Variants in LEF1 observed in about 807,000 individuals in gnomAD.
LEF1 encodes the protein lymphoid enhancer-binding factor 1.
A neutral mutation model predicts 51.2 loss-of-function variants in LEF1; 14 were observed. That is an observed-to-expected ratio of 0.27 (90% CI 0.18 to 0.43). The LOEUF (loss-of-function observed/expected upper bound fraction) is 0.43. Among genes scored for constraint, LEF1 ranks in the 20% least tolerant of loss-of-function variants. LEF1 has a pLI of 1.00. For synonymous variants in LEF1, 185 were observed against 183.2 expected (o/e 1.01, Z -0.08); for missense variants, 386 against 512.0 (o/e 0.75, Z 2.37).
At chr4:108,050,094 C>G (rs756017765) in intron 11 of LEF1, among the ~76,000 whole-genome samples, 2 of 152,154 alleles carry the variant, frequency 1.3e-5, no homozygotes, top group Non-Finnish European at 2.9e-5. Context: ...TGGGTAGCTA[C>G]TGAAAAAGCA....
intron 3 of LEF1, among the ~76,000 whole-genome samples, chr4:108,118,390 T>C (rs952133656): frequency 2.6e-5 from 4 of 152,220 alleles, no homozygotes; most frequent in African/African-American, 9.6e-5. Flanking sequence ...ATACATTTTA[T>C]ACAAAAATGA....
chr4:108,077,356 C>T (rs1247910940), intron 8 of LEF1, among the ~76,000 whole-genome samples: 2 of 151,968 alleles, frequency 1.3e-5, no homozygotes, highest in South Asian at 4.2e-4. Flanking sequence ...AGAGAAGCGC[C>T]TCTGCCCGGC....
rs560550399 is a variant in LEF1, at chr4:108,148,930, G to A, written c.414+14638C>T. 5.3e-5 allele frequency among the ~76,000 whole-genome samples: 8 copies of A among 152,094 alleles called. No individual in the cohort carries two copies. In the South Asian group the frequency reaches 1.0e-3, roughly 20 times the overall value. On this transcript the variant is annotated intron_variant, in intron 3 of 11. Transcript: ENST00000265165. ...ATAATGAACCAAACTAATGCTGCAC[G>A]GATATCAAAGATAGCACTGAGTTAC...
chr4:108,110,456 T>C (rs1163502840), intron 3 of LEF1, among the ~76,000 whole-genome samples: 1 of 152,170 alleles, frequency 6.6e-6, no homozygotes, highest in Non-Finnish European at 1.5e-5. Context: ...GCAATTGTCT[T>C]TGAGATTGAA....
At chr4:108,064,267 G>A in intron 10 of LEF1, 69 bp downstream of exon 10, 1 of 1,000,978 alleles carries the variant, frequency 1.0e-6, no homozygotes, top group Non-Finnish European at 1.6e-6. Context: ...TGTGTAGAGA[G>A]ATGCAAACTG....
At chr4:108,067,990 G>T (rs185821613) in intron 9 of LEF1, among the ~76,000 whole-genome samples, 1 of 152,010 alleles carries the variant, frequency 6.6e-6, no homozygotes. Flanking sequence ...GCACCGGGCC[G>T]GGCGTGGTGG....
At chr4:108,133,239 T>C (rs1743021758) in intron 3 of LEF1, among the ~76,000 whole-genome samples, 1 of 152,160 alleles carries the variant, frequency 6.6e-6, no homozygotes, top group Non-Finnish European at 1.5e-5. Context: ...CTGCAACAAG[T>C]TCCCAGGTGA....
In LEF1 at chr4:108,104,067, C is replaced by A. The variant is rs929504900; in HGVS notation, c.415-14810G>T. ...ACATATAATGCAATGTAATATTATT[C>A]ATCTATGAAAAAGAAGAAAGTACTG... On this transcript the variant is annotated intron_variant, in intron 3 of 11. Transcript: ENST00000265165. Among the ~76,000 whole-genome samples, 8 of 152,238 alleles carry A rather than the reference C, an allele frequency of 5.3e-5. 1 individual carries two copies. The highest frequency in any genetic ancestry group is 1.7e-4 in the African/African-American group (7 of 41,536).
intron 9 of LEF1, among the ~76,000 whole-genome samples, chr4:108,067,909 G>T (rs1738188254): frequency 6.6e-6 from 1 of 152,054 alleles, no homozygotes. Context: ...TATAGAGATG[G>T]TAATTGCTGC....
chr4:108,055,017 CACG>C (rs1049983688), intron 11 of LEF1, among the ~76,000 whole-genome samples: 1 of 152,228 alleles, frequency 6.6e-6, no homozygotes, highest in African/African-American at 2.4e-5. Context: ...TGAGGAAAAA[CACG>C]TTAAAACTAT....
intron 11 of LEF1, among the ~76,000 whole-genome samples, chr4:108,062,544 C>T (rs930046935): frequency 6.6e-6 from 1 of 152,182 alleles, no homozygotes; most frequent in African/African-American, 2.4e-5. Flanking sequence ...CAGACCCACA[C>T]ACTCAGTGGC....
At chr4:108,157,162 C>CTATATA (rs1477115830) in intron 3 of LEF1, among the ~76,000 whole-genome samples, 1 of 64,098 alleles carries the variant, frequency 1.6e-5, no homozygotes, top group South Asian at 7.7e-4. Flanking sequence ...CTCTCTCTCT[C>CTATATA]TCTCTCTATA....
rs35000095 is a variant in LEF1 at position 108,167,351 on chromosome 4, TACAC to T, written c.213+200_213+203del. On this transcript the variant is annotated intron_variant, in intron 1 of 11. Transcript: ENST00000265165. This position sits in a 1 kb window ranked among gnomAD's most constrained non-coding sequence, Gnocchi z 5.7. ...TACCCTGCCCCTCTACCTCCCATCC[TACAC>T]ACACACACACACACACACACACACA... 0.11 allele frequency among the ~76,000 whole-genome samples: 14,016 copies of T among 131,536 alleles called. 709 individuals are homozygous for T. Among genetic ancestry groups the T allele is most frequent in the African/African-American group, 0.15 (5,333 of 35,338 alleles). The allele number at this position is 131,536 out of a possible 152,430, so 86.3% of individuals were successfully genotyped here. A position where few individuals can be genotyped will look rare whatever the true frequency, so the allele number is the denominator to read the frequency against.
intron 3 of LEF1, among the ~76,000 whole-genome samples, chr4:108,097,140 A>G (rs944661475): frequency 3.9e-5 from 6 of 152,252 alleles, no homozygotes; most frequent in African/African-American, 1.4e-4. Context: ...CTGCATTCCC[A>G]TATTTACTGC....
At chr4:108,131,536 A>G (rs963914340) in intron 3 of LEF1, among the ~76,000 whole-genome samples, 16 of 152,192 alleles carry the variant, frequency 1.1e-4, no homozygotes, top group African/African-American at 3.1e-4. Flanking sequence ...GAAACACTCT[A>G]AACTCAAGCA....
At chr4:108,082,646 GGGA>G (rs1234132030) in intron 5 of LEF1, among the ~76,000 whole-genome samples, 2 of 152,054 alleles carry the variant, frequency 1.3e-5, no homozygotes, top group Non-Finnish European at 2.9e-5. Flanking sequence ...GCATGGGAGT[GGGA>G]GGAGGAAATG....
At chr4:108,114,256 T>C (rs183649012) in intron 3 of LEF1, among the ~76,000 whole-genome samples, 101 of 152,278 alleles carry the variant, frequency 6.6e-4, no homozygotes, top group Non-Finnish European at 2.5e-4. Context: ...CAAACTAATT[T>C]AAAAAGTATT....
chr4:108,108,194 C>G (rs76848590), intron 3 of LEF1, among the ~76,000 whole-genome samples: 2,883 of 152,314 alleles, frequency 0.019, 39 homozygotes, highest in Non-Finnish European at 0.031. Flanking sequence ...TGTGCTTCGA[C>G]TTTGAGGTTT....
intron 3 of LEF1, among the ~76,000 whole-genome samples, chr4:108,151,206 C>T (rs1244926372): frequency 6.6e-6 from 1 of 152,104 alleles, no homozygotes; most frequent in Non-Finnish European, 1.5e-5. Flanking sequence ...CACTCATCAT[C>T]TTTTACACAA....
Sources: allele counts gnomAD v4.1 joint callset (sites outside exome capture counted in the v4.1 genomes callset), GRCh38; gene constraint gnomAD v4.1.1; non-coding constraint Gnocchi (gnomAD v3.1); transcripts MANE v1.5; gene names NCBI Gene and HGNC (gene_info 2026-07-23, HGNC 2026-07-21).